Variants in SPEN observed in about 807,000 individuals in gnomAD.
SPEN encodes the protein spen family transcriptional repressor.
A neutral mutation model predicts 269.9 loss-of-function variants in SPEN; 18 were observed. The observed-to-expected ratio is 0.07, with a 90% CI of 0.05 to 0.10. The LOEUF (loss-of-function observed/expected upper bound fraction) is 0.10. Ranked by LOEUF, SPEN falls within the 10% of genes least tolerant of loss-of-function variation. The pLI is 1.00. For missense variants in SPEN, 3,822 were observed against 4,631.2 expected (o/e 0.83, Z 5.07); for synonymous variants, 1,726 against 1,765.7 (o/e 0.98, Z 0.56).
intron 1 of SPEN, among the ~76,000 whole-genome samples, chr1:15,856,819 C>T (rs1255845740): frequency 1.3e-5 from 2 of 151,992 alleles, no homozygotes; most frequent in South Asian, 2.1e-4. Context: ...CCGCCCACCT[C>T]GACTTTACAA....
chr1:15,853,190 A>G (rs937162505), intron 1 of SPEN, among the ~76,000 whole-genome samples: 2 of 151,282 alleles, frequency 1.3e-5, no homozygotes, highest in African/African-American at 2.4e-5. Flanking sequence ...TTTTATTTTT[A>G]TTTTTATTCA....
chr1:15,917,366 T>G (rs947947527), intron 6 of SPEN, among the ~76,000 whole-genome samples: 1 of 152,188 alleles, frequency 6.6e-6, no homozygotes, highest in Non-Finnish European at 1.5e-5. Context: ...AATATTTTGG[T>G]CACAGCTTTG....
intron 2 of SPEN, chr1:15,874,483 A>AGTGG: frequency 2.0e-6 from 2 of 1,002,808 alleles, no homozygotes; most frequent in Non-Finnish European, 2.7e-6. Flanking sequence ...AGAAGTATTT[A>AGTGG]GTACTAATAG....
intron 1 of SPEN, among the ~76,000 whole-genome samples, chr1:15,852,219 C>CA: frequency 6.6e-6 from 1 of 152,106 alleles, no homozygotes; most frequent in South Asian, 2.1e-4. Flanking sequence ...ATCATTGTTA[C>CA]GTCGCTTCTT....
At chr1:15,887,870 A>G (rs1204610015) in intron 3 of SPEN, among the ~76,000 whole-genome samples, 1 of 150,924 alleles carries the variant, frequency 6.6e-6, no homozygotes, top group Non-Finnish European at 1.5e-5. Flanking sequence ...AAAAAATACA[A>G]AAATTAACTG....
In SPEN at chr1:15,930,817, T is replaced by G. The variant is rs2071212934; in HGVS notation, c.4577T>G (p.Phe1526Cys). 1 of 1,614,172 alleles carries G rather than the reference T, an allele frequency of 6.2e-7. No homozygotes were observed. Among genetic ancestry groups the G allele is most frequent in the Non-Finnish European group, 8.5e-7 (1 of 1,180,036 alleles). Residue 1526 changes from phenylalanine (F) to cysteine (C), a missense_variant, in exon 11 of 15, where the codon TTT (phenylalanine) becomes TGT (cysteine). Around this residue, in one of 16 missense-constraint regions of SPEN, gnomAD observed 533 missense variants for 618.8 expected, o/e 0.86. Coordinates refer to ENST00000375759, the MANE Select transcript of SPEN (RefSeq NM_015001.3). This position sits in a 1 kb window ranked among gnomAD's most constrained non-coding sequence, Gnocchi z 5.3. ...GAAGAGCAAGAGAGGCAGGAATTGT[T>G]TGCTTCTCGTTTTTTACACAGCTCA... Reference protein sequence around the residue: ...KEEEQERQELFASRFLHSSIF... With the variant: ...KEEEQERQELCASRFLHSSIF...
At chr1:15,896,605 T>C (rs2070844768) in intron 3 of SPEN, among the ~76,000 whole-genome samples, 1 of 152,198 alleles carries the variant, frequency 6.6e-6, no homozygotes, top group East Asian at 1.9e-4. Flanking sequence ...GGTTTAGATT[T>C]GTTTGATGTT....
At chr1:15,900,626 T>C (rs1046770534) in intron 3 of SPEN, among the ~76,000 whole-genome samples, 9 of 152,332 alleles carry the variant, frequency 5.9e-5, no homozygotes, top group Non-Finnish European at 8.8e-5. Context: ...CATTTTTTTC[T>C]TACAATTCAA....
rs1301962774 is a variant in SPEN at position 15,912,632 on chromosome 1, A to G, written c.1243+1331A>G. On this transcript the variant is annotated intron_variant, in intron 5 of 14. Coordinates refer to ENST00000375759, the MANE Select transcript of SPEN (RefSeq NM_015001.3). ...TCACTCTGTGATGTTACAATGAAAC[A>G]TAACAATTCAAAGGAATATTATCTT... Among the ~76,000 whole-genome samples the G allele has an allele frequency of 2.0e-5, 3 of 152,226 alleles. No homozygotes were observed. The East Asian group carries it at 5.8e-4, about 29-fold the overall frequency.
chr1:15,914,446 C>T (rs770495821), intron 5 of SPEN, among the ~76,000 whole-genome samples: 13 of 152,178 alleles, frequency 8.5e-5, no homozygotes, highest in Admixed American at 2.0e-4. Flanking sequence ...AAACCTTGAG[C>T]GTTCCTGCCC....
intron 1 of SPEN, among the ~76,000 whole-genome samples, chr1:15,869,586 A>ATTTATTTG (rs1214159001): frequency 6.7e-6 from 1 of 150,182 alleles, no homozygotes; most frequent in African/African-American, 2.4e-5. Flanking sequence ...TACTGTATTT[A>ATTTATTTG]TTTATTTATT....
chr1:15,847,955 A>T lies in SPEN; in HGVS notation c.-113A>T. 2 of 519,732 alleles carry T rather than the reference A, an allele frequency of 3.8e-6. No individual in the cohort carries two copies. Among genetic ancestry groups the T allele is most frequent in the Non-Finnish European group, 2.9e-6 (1 of 344,592 alleles). 32.2% of individuals were successfully genotyped at this position (519,732 alleles called of 1,614,324 possible). A position where few individuals can be genotyped will look rare whatever the true frequency, so the allele number is the denominator to read the frequency against. The stretch of plus-strand genomic sequence containing the variant: ...AGGAGCCGCCGCCGCTGCCGACGCC[A>T]CCGCCGCAGCCGCCGCCGCCGCCGC... On this transcript the variant is annotated 5_prime_UTR_variant, in exon 1 of 15. Transcript: ENST00000375759.
In SPEN at chr1:15,939,015, G is replaced by A; in HGVS notation, c.10863+139G>A. ...GGCATTTTGGACAGAAGTCAGTAGA[G>A]CACATGGGGCGGGGCGCCATCACCC... On this transcript the variant is annotated intron_variant, in intron 14 of 14. Coordinates refer to ENST00000375759, the MANE Select transcript of SPEN (RefSeq NM_015001.3). The surrounding 1 kb of genome is among the most constrained non-coding windows in gnomAD (Gnocchi z 4.1). 1 of 1,167,066 alleles carries A rather than the reference G, an allele frequency of 8.6e-7. No individual in the cohort carries two copies. The highest frequency in any genetic ancestry group is 1.2e-6 in the Non-Finnish European group (1 of 833,802). The allele number at this position is 1,167,066 out of a possible 1,614,324, so 72.3% of individuals were successfully genotyped here. A position where few individuals can be genotyped will look rare whatever the true frequency, so the allele number is the denominator to read the frequency against.
At position 15,937,519 on chromosome 1, in the gene SPEN, A is replaced by C. The variant is rs772818627; in HGVS notation, c.10383A>C (p.Thr3461=). ...TAPKQPLFVP[T]TSGPSTPPGL... ...CAAAACAGCCGTTGTTTGTCCCAAC[A>C]ACCTCTGGCCCCAGCACCCCACCAG... The change falls in exon 12 of 15, where the codon ACA becomes ACC. Residue 3461 remains threonine (T), a synonymous_variant. Transcript: ENST00000375759. The surrounding 1 kb of genome is among the most constrained non-coding windows in gnomAD (Gnocchi z 5.7). 20 of 1,613,966 alleles carry C rather than the reference A, an allele frequency of 1.2e-5. No homozygotes were observed. Among genetic ancestry groups the C allele is most frequent in the Admixed American group, 1.7e-5 (1 of 59,996 alleles).
chr1:15,932,729 C>A lies in SPEN; in HGVS notation c.6489C>A (p.Thr2163=). 1 of 1,614,076 alleles carries A rather than the reference C, an allele frequency of 6.2e-7. No individual in the cohort carries two copies. Among genetic ancestry groups the A allele is most frequent in the Non-Finnish European group, 8.5e-7 (1 of 1,180,018 alleles). ...VSASGPSPEA[T]QLAKQMELEQ... ...CCTCTGGGCCGTCCCCAGAAGCCAC[C>A]CAGTTAGCCAAGCAGATGGAGCTGG... Residue 2163 remains threonine (T), a synonymous_variant, in exon 11 of 15, where the codon ACC becomes ACA. Transcript: ENST00000375759. The surrounding 1 kb of genome is among the most constrained non-coding windows in gnomAD (Gnocchi z 4.2).
rs146730536 is a variant in SPEN, at chr1:15,933,614, G to A, written c.7374G>A (p.Pro2458=). 92 of 1,613,832 alleles carry A rather than the reference G, an allele frequency of 5.7e-5. No individual in the cohort carries two copies. The highest frequency in any genetic ancestry group is 2.1e-4 in the African/African-American group (16 of 74,866). ...FRVHSIIESD[P]VTPPSDPSIP... Reference sequence around the variant, plus strand: ...TGCATTCCATCATTGAAAGTGACCCGGTGACCCCACCCAGCGATCCAAGCA... The same window carrying A: ...TGCATTCCATCATTGAAAGTGACCCAGTGACCCCACCCAGCGATCCAAGCA... The change falls in exon 11 of 15, where the codon CCG becomes CCA. Residue 2458 remains proline (P), a synonymous_variant. Transcript: ENST00000375759. The surrounding 1 kb of genome is among the most constrained non-coding windows in gnomAD (Gnocchi z 5.7).
At chr1:15,872,612 AAAAG>A (rs1340096302) in intron 1 of SPEN, among the ~76,000 whole-genome samples, 200 bp from the exon 2 acceptor site, 1 of 151,892 alleles carries the variant, frequency 6.6e-6, no homozygotes, top group African/African-American at 2.4e-5. Flanking sequence ...AAAAAAAAAA[AAAAG>A]AAATGAGAGT....
Position 15,928,863 on chromosome 1 carries a change from A to C in SPEN, c.2623A>C (p.Met875Leu), listed in dbSNP as rs776889298. The C allele has an allele frequency of 6.2e-7, 1 of 1,614,184 alleles. No homozygotes were observed. Among genetic ancestry groups the C allele is most frequent in the South Asian group, 1.1e-5 (1 of 91,086 alleles). The stretch of plus-strand genomic sequence containing the variant: ...AATAGCGAAAAACCGCCTGGAACTC[A>C]TGCCTTGCGTGGTTTTGACTCGAGT... ...EGIAKNRLEL[M>L]PCVVLTRVKE... is the part of the protein sequence containing the mutation. Residue 875 changes from methionine (M) to leucine (L), a missense_variant, in exon 11 of 15, where the codon ATG becomes CTG. By Grantham distance (15) the Met-to-Leu change is conservative. Coordinates refer to ENST00000375759, the MANE Select transcript of SPEN (RefSeq NM_015001.3). This position sits in a 1 kb window ranked among gnomAD's most constrained non-coding sequence, Gnocchi z 5.7.
intron 3 of SPEN, among the ~76,000 whole-genome samples, chr1:15,881,379 G>A (rs2070686283): frequency 1.3e-5 from 2 of 152,146 alleles, no homozygotes; most frequent in Admixed American, 1.3e-4. Context: ...CATAATCTCT[G>A]TTTTTCCTAC....
Sources: allele counts gnomAD v4.1 joint callset (sites outside exome capture counted in the v4.1 genomes callset), GRCh38; gene constraint gnomAD v4.1.1; regional missense constraint gnomAD v4.1.1; non-coding constraint Gnocchi (gnomAD v3.1); transcripts MANE v1.5; gene names NCBI Gene and HGNC (gene_info 2026-07-23, HGNC 2026-07-21).